Variants in PCDHGA10 observed in about 807,000 individuals in gnomAD.
PCDHGA10 encodes the protein protocadherin gamma-A10.
A neutral mutation model predicts 59.5 loss-of-function variants in PCDHGA10; 42 were observed. The ratio of observed to expected loss-of-function variants is 0.71; its 90% CI spans 0.55 to 0.91. PCDHGA10 has a LOEUF of 0.91. Ranked by LOEUF, PCDHGA10 falls within the 40% of genes least tolerant of loss-of-function variation. The pLI, the probability that PCDHGA10 is intolerant of heterozygous loss-of-function variation, is 0.00. For synonymous variants in PCDHGA10, 511 were observed against 517.2 expected, an observed-to-expected ratio of 0.99 and a Z score of 0.16; for missense variants, 1,111 against 1,198.2, an observed-to-expected ratio of 0.93 and a Z score of 1.07.
rs778372966 is a variant in PCDHGA10, at chr5:141,477,105, A to G, written c.2437-17702A>G. The G allele has an allele frequency of 7.4e-6, 12 of 1,614,106 alleles. No individual in the cohort carries two copies. The highest frequency in any genetic ancestry group is 4.0e-5 in the African/African-American group (3 of 74,934). On this transcript the variant is annotated intron_variant, in intron 1 of 3. Transcript: ENST00000398610. This position sits in a 1 kb window ranked among gnomAD's most constrained non-coding sequence, Gnocchi z 4.9. ...ATCCAGGCCAAAGACAAGGGCGCCA[A>G]TCCCGAAGGAGCACATTGCAAAGTG...
intron 1 of PCDHGA10, chr5:141,433,267 C>T (rs1462399366): frequency 7.7e-7 from 1 of 1,305,096 alleles, no homozygotes; most frequent in Non-Finnish European, 1.1e-6. Context: ...GATCATAGCT[C>T]ACTGCAGCCT....
intron 1 of PCDHGA10, among the ~76,000 whole-genome samples, chr5:141,451,522 A>G (rs1387873094): frequency 6.6e-6 from 1 of 152,200 alleles, no homozygotes; most frequent in Non-Finnish European, 1.5e-5. Flanking sequence ...TAGAGCAAGT[A>G]AAGGAGAGTG....
chr5:141,449,263 AC>A (rs1308401244), intron 1 of PCDHGA10, among the ~76,000 whole-genome samples: 3 of 152,152 alleles, frequency 2.0e-5, no homozygotes, highest in African/African-American at 7.2e-5. Flanking sequence ...TGTACAAAGA[AC>A]TGTATCTCCT....
At chr5:141,421,305 G>A in intron 1 of PCDHGA10, 23 of 1,613,652 alleles carry the variant, frequency 1.4e-5, no homozygotes, top group Non-Finnish European at 1.9e-5. Context: ...CGCTGCGGGG[G>A]TTCCGGGCCA....
At chr5:141,435,516 C>T (rs2097767967) in intron 1 of PCDHGA10, among the ~76,000 whole-genome samples, 1 of 152,058 alleles carries the variant, frequency 6.6e-6, no homozygotes, top group Non-Finnish European at 1.5e-5. Context: ...CTAATGATGA[C>T]TTTGTGGAAT....
At position 141,487,254 on chromosome 5, in the gene PCDHGA10, C is replaced by T. The variant is rs1341564301; in HGVS notation, c.2437-7553C>T. On this transcript the variant is annotated intron_variant, in intron 1 of 3. Coordinates refer to ENST00000398610, the MANE Select transcript of PCDHGA10 (RefSeq NM_018913.3). The surrounding 1 kb of genome is among the most constrained non-coding windows in gnomAD (Gnocchi z 5.0). Reference sequence around the variant, plus strand: ...GAATCTCGTCTAACCCTCTACTTGGCTGTGTCCCTAGTGGCAATTTGCTTT... The same window carrying T: ...GAATCTCGTCTAACCCTCTACTTGGTTGTGTCCCTAGTGGCAATTTGCTTT... The T allele has an allele frequency of 1.2e-6, 2 of 1,614,126 alleles. No homozygotes were observed. Among genetic ancestry groups the T allele is most frequent in the East Asian group, 4.5e-5 (2 of 44,860 alleles).
intron 1 of PCDHGA10, among the ~76,000 whole-genome samples, chr5:141,484,597 A>C (rs1345278081): frequency 1.3e-5 from 2 of 152,070 alleles, no homozygotes; most frequent in African/African-American, 4.8e-5. Flanking sequence ...CTCATTTAGA[A>C]TACTGGTTGA....
Position 141,486,572 on chromosome 5 carries a change from A to G in PCDHGA10, c.2437-8235A>G. 1 of 1,613,876 alleles carries G rather than the reference A, an allele frequency of 6.2e-7. No individual in the cohort carries two copies. Among genetic ancestry groups the G allele is most frequent in the Non-Finnish European group, 8.5e-7 (1 of 1,180,002 alleles). ...GTCACATGAGGTGTTTGTTCCTGAG[A>G]ACAATCGCCCAGGGGACCTGCTTTG... is the stretch of plus-strand genomic sequence containing the variant. On this transcript the variant is annotated intron_variant, in intron 1 of 3. Coordinates refer to ENST00000398610, the MANE Select transcript of PCDHGA10 (RefSeq NM_018913.3). This position sits in a 1 kb window ranked among gnomAD's most constrained non-coding sequence, Gnocchi z 5.0.
chr5:141,443,561 C>T (rs1487096752), intron 1 of PCDHGA10, among the ~76,000 whole-genome samples: 3 of 152,118 alleles, frequency 2.0e-5, no homozygotes, highest in Non-Finnish European at 1.5e-5. Context: ...AATTCAAATG[C>T]TTTAAATGGA....
intron 1 of PCDHGA10, among the ~76,000 whole-genome samples, chr5:141,452,165 C>G (rs917431071): frequency 2.6e-5 from 4 of 152,120 alleles, no homozygotes; most frequent in African/African-American, 9.7e-5. Flanking sequence ...TATTCTATTA[C>G]TAACATTTTT....
Position 141,456,898 on chromosome 5 carries a change from G to A in PCDHGA10, c.2437-37909G>A, listed in dbSNP as rs1046778634. 3.9e-5 allele frequency among the ~76,000 whole-genome samples: 6 copies of A among 152,284 alleles called. No individual in the cohort carries two copies. The South Asian group carries it at 6.2e-4, about 16-fold the overall frequency. On this transcript the variant is annotated intron_variant, in intron 1 of 3. Transcript: ENST00000398610. ...GAATCGCTTGAACCCGGGAGGCAGA[G>A]GTTGCAGTGAGCCGAGATCGCACCA...
rs186292704 is a variant in PCDHGA10 at position 141,490,783 on chromosome 5, C to T, written c.2437-4024C>T. ...TGTGTATGTCAACCCAGAGGATGGA[C>T]GGATCTTTGCCCAGCGTACCTTTGA... On this transcript the variant is annotated intron_variant, in intron 1 of 3. Transcript: ENST00000398610. The surrounding 1 kb of genome is among the most constrained non-coding windows in gnomAD (Gnocchi z 5.4). The T allele has an allele frequency of 8.1e-6, 13 of 1,614,024 alleles. 1 individual carries two copies. Among genetic ancestry groups the T allele is most frequent in the Middle Eastern group, 3.3e-4 (2 of 6,062 alleles).
Position 141,489,764 on chromosome 5 carries a change from A to G in PCDHGA10, c.2437-5043A>G. ...GTGAGCTTTTACACTCTAAGCCCCA[A>G]CAGCCACTTCTCTCTGAATGTGAAG... is the stretch of plus-strand genomic sequence containing the variant. On this transcript the variant is annotated intron_variant, in intron 1 of 3. Transcript: ENST00000398610. The surrounding 1 kb of genome is among the most constrained non-coding windows in gnomAD (Gnocchi z 4.5). 2 of 1,613,556 alleles carry G rather than the reference A, an allele frequency of 1.2e-6. No homozygotes were observed. The highest frequency in any genetic ancestry group is 1.7e-6 in the Non-Finnish European group (2 of 1,179,894).
At chr5:141,510,519 C>A (rs182721864) in intron 3 of PCDHGA10, among the ~76,000 whole-genome samples, 1 of 152,260 alleles carries the variant, frequency 6.6e-6, no homozygotes, top group East Asian at 1.9e-4. Context: ...CGTGTCACAG[C>A]CCTGAGAGAA....
intron 1 of PCDHGA10, chr5:141,479,437 C>G (rs2099496053): frequency 6.6e-6 from 1 of 152,224 alleles, no homozygotes; most frequent in Admixed American, 6.5e-5. Flanking sequence ...AATCCACTGT[C>G]TGCACTAAGT....
At chr5:141,469,674 A>G (rs532726373) in intron 1 of PCDHGA10, among the ~76,000 whole-genome samples, 23 of 152,380 alleles carry the variant, frequency 1.5e-4, no homozygotes, top group Non-Finnish European at 2.2e-4. Flanking sequence ...TAATAAAACT[A>G]CATATGCATT....
intron 1 of PCDHGA10, chr5:141,418,347 G>C: frequency 6.2e-7 from 1 of 1,614,024 alleles, no homozygotes; most frequent in Non-Finnish European, 8.5e-7. Context: ...CCTGATATTA[G>C]TATGAATTCG....
intron 1 of PCDHGA10, chr5:141,415,938 C>T (rs1351429284): frequency 3.4e-6 from 2 of 588,200 alleles, no homozygotes; most frequent in East Asian, 4.2e-5. Context: ...ATATTTCCTC[C>T]TGGGTGGTCA....
intron 1 of PCDHGA10, chr5:141,419,094 G>A (rs1241481126): frequency 2.5e-6 from 4 of 1,613,776 alleles, no homozygotes; most frequent in South Asian, 1.1e-5. Flanking sequence ...GCCCTGGATC[G>A]GGAGCAGACC....
Sources: gnomAD v4.1 joint callset for allele counts (sites outside exome capture counted in the v4.1 genomes callset) on GRCh38, gnomAD v4.1.1 for gene constraint, Gnocchi (gnomAD v3.1) non-coding constraint, MANE v1.5 for transcripts, NCBI Gene and HGNC (gene_info 2026-07-23, HGNC 2026-07-21) for gene names.